The following KCNJ6 variants were observed in gnomAD, a reference collection of about 807,000 sequenced individuals.
KCNJ6 encodes the protein potassium inwardly rectifying channel subfamily J member 6.
A neutral mutation model predicts 34.2 loss-of-function variants in KCNJ6; 9 were observed. The observed-to-expected ratio is 0.26, with a 90% confidence interval of 0.16 to 0.46. The LOEUF (loss-of-function observed/expected upper bound fraction) is 0.46. Ranked by LOEUF, KCNJ6 falls within the 20% of genes least tolerant of loss-of-function variation. The pLI is 1.00. For synonymous variants in KCNJ6, 196 were observed against 207.1 expected, an observed-to-expected ratio of 0.95 and a Z score of 0.46; for missense variants, 236 against 531.3, an observed-to-expected ratio of 0.44 and a Z score of 5.46.
intron 2 of KCNJ6, among the ~76,000 whole-genome samples, chr21:37,733,188 T>C (rs2054894958): frequency 1.3e-5 from 2 of 152,234 alleles, no homozygotes; most frequent in Admixed American, 1.3e-4. Context: ...TCAGTGATTA[T>C]ACTAATTCCT....
intron 2 of KCNJ6, among the ~76,000 whole-genome samples, chr21:37,761,788 T>C (rs553808623): frequency 2.6e-5 from 4 of 152,176 alleles, no homozygotes; most frequent in Admixed American, 2.6e-4. Context: ...GTGTGTGGTA[T>C]GTGTGCATAT....
At chr21:37,756,676 ACTCCCTCACAGCGTGATGATTCCAGCCTG>A (rs2055027986) in intron 2 of KCNJ6, among the ~76,000 whole-genome samples, 1 of 145,664 alleles carries the variant, frequency 6.9e-6, no homozygotes, top group African/African-American at 2.6e-5. Context: ...TGGAGTGAGC[ACTCCCTCACAGCGTGATGATTCCAGCCTG>A]GAGTGAGCAC....
At chr21:37,860,158 C>T (rs1004900518) in intron 1 of KCNJ6, among the ~76,000 whole-genome samples, 7 of 152,132 alleles carry the variant, frequency 4.6e-5, no homozygotes, top group African/African-American at 1.7e-4. Context: ...ACCTGCTGCT[C>T]GGTCCTACAC....
rs1045841871 is a variant in KCNJ6 at position 37,612,456 on chromosome 21, A to G, written c.*12703T>C. The G allele has an allele frequency of 1.3e-5, 2 of 152,228 alleles. No homozygotes were observed. The highest frequency in any genetic ancestry group is 3.8e-4 in the East Asian group (2 of 5,208). The allele number at this position is 152,228 out of a possible 1,614,324, so 9.4% of individuals were successfully genotyped here. A position where few individuals can be genotyped will look rare whatever the true frequency, so the allele number is the denominator to read the frequency against. On this transcript the variant is annotated 3_prime_UTR_variant, in exon 4 of 4. Transcript: ENST00000609713. ...CCTCTGTAGATTAAATACAATCCCA[A>G]TAAAAATCTCAGCAAGTTATTTTGT...
chr21:37,722,716 G>C (rs963188061), intron 2 of KCNJ6, among the ~76,000 whole-genome samples: 2 of 152,164 alleles, frequency 1.3e-5, no homozygotes, highest in Non-Finnish European at 1.5e-5. Flanking sequence ...ATGGTACTGG[G>C]ATAGCTGGCT....
At chr21:37,900,851 G>T (rs917444498) in intron 1 of KCNJ6, among the ~76,000 whole-genome samples, 5 of 152,162 alleles carry the variant, frequency 3.3e-5, no homozygotes, top group Non-Finnish European at 7.4e-5. Context: ...AAAGAAATCT[G>T]CAAACCACTC....
chr21:37,806,761 G>T (rs892339438), intron 2 of KCNJ6, among the ~76,000 whole-genome samples: 1 of 152,140 alleles, frequency 6.6e-6, no homozygotes, highest in African/African-American at 2.4e-5. Flanking sequence ...TTTAATGTGT[G>T]CAGTGTATTT....
chr21:37,761,164 ATG>A (rs892235904), intron 2 of KCNJ6, among the ~76,000 whole-genome samples: 5 of 148,342 alleles, frequency 3.4e-5, no homozygotes, highest in Admixed American at 6.7e-5. Context: ...TGTGTGCTGT[ATG>A]TGTGTTGTGT....
At chr21:37,803,040 C>A (rs2055276737) in intron 2 of KCNJ6, among the ~76,000 whole-genome samples, 1 of 152,214 alleles carries the variant, frequency 6.6e-6, no homozygotes, top group Non-Finnish European at 1.5e-5. Context: ...TTTTGAAGAC[C>A]ATTATAGGCT....
intron 3 of KCNJ6, among the ~76,000 whole-genome samples, chr21:37,707,729 G>GTGTGTGTGTGTGTGTATA (rs1556022151): frequency 1.3e-5 from 2 of 150,916 alleles, no homozygotes; most frequent in African/African-American, 2.5e-5. Context: ...GTGCATGTGT[G>GTGTGTGTGTGTGTGTATA]TGTGTGAATA....
At chr21:37,678,412 G>T (rs1472774210) in intron 3 of KCNJ6, among the ~76,000 whole-genome samples, 1 of 152,224 alleles carries the variant, frequency 6.6e-6, no homozygotes, top group Non-Finnish European at 1.5e-5. Context: ...TTCTGGGATT[G>T]TATAGAGAGG....
chr21:37,785,139 C>T (rs902637799), intron 2 of KCNJ6, among the ~76,000 whole-genome samples: 5 of 152,130 alleles, frequency 3.3e-5, no homozygotes, highest in Non-Finnish European at 7.3e-5. Flanking sequence ...GCCTGAGATT[C>T]CAACAGTCTC....
chr21:37,847,966 G>C (rs566017128), intron 1 of KCNJ6, among the ~76,000 whole-genome samples: 1 of 152,342 alleles, frequency 6.6e-6, no homozygotes, highest in African/African-American at 2.4e-5. Context: ...AATGGCATGA[G>C]GAAAGGTGGG....
chr21:37,914,582 T>C (rs1464057311), intron 1 of KCNJ6, among the ~76,000 whole-genome samples: 1 of 152,194 alleles, frequency 6.6e-6, no homozygotes, highest in African/African-American at 2.4e-5. Flanking sequence ...CCAATTTTTT[T>C]CCCCTATAAC....
intron 3 of KCNJ6, among the ~76,000 whole-genome samples, chr21:37,638,751 C>T (rs1166933420): frequency 6.6e-6 from 1 of 152,186 alleles, no homozygotes; most frequent in Admixed American, 6.5e-5. Flanking sequence ...AGGCAACCTT[C>T]ATTTACTTTT....
chr21:37,678,602 C>T (rs1387443510), intron 3 of KCNJ6, among the ~76,000 whole-genome samples: 2 of 152,048 alleles, frequency 1.3e-5, no homozygotes, highest in Non-Finnish European at 2.9e-5. Flanking sequence ...GAGCAATAAC[C>T]CATTGATGAA....
chr21:37,637,920 A>C (rs889153727), intron 3 of KCNJ6, among the ~76,000 whole-genome samples: 16 of 152,328 alleles, frequency 1.1e-4, no homozygotes, highest in African/African-American at 2.9e-4. Flanking sequence ...CCCTGCTGAC[A>C]CCTTGATCTT....
At chr21:37,900,316 T>G (rs2123644428) in intron 1 of KCNJ6, among the ~76,000 whole-genome samples, 1 of 152,268 alleles carries the variant, frequency 6.6e-6, no homozygotes, top group South Asian at 2.1e-4. Flanking sequence ...ATGCTATAAA[T>G]CCACAGGAAG....
At chr21:37,840,572 G>T in intron 2 of KCNJ6, 86 bp downstream of exon 2, 1 of 872,232 alleles carries the variant, frequency 1.1e-6, no homozygotes. Flanking sequence ...GGACAAATCA[G>T]ATCATCACAC....
Sources: allele counts gnomAD v4.1 joint callset (sites outside exome capture counted in the v4.1 genomes callset), GRCh38; gene constraint gnomAD v4.1.1; transcripts MANE v1.5; gene names NCBI Gene and HGNC (gene_info 2026-07-23, HGNC 2026-07-21).